DIXDC1: variants seen among roughly 807,000 people sequenced by gnomAD.
DIXDC1 encodes the protein DIX domain containing 1.
Under a neutral mutation model 103.1 loss-of-function variants are expected in DIXDC1, and 64 were observed. That is an observed-to-expected ratio of 0.62 (90% confidence interval 0.51 to 0.76). The LOEUF is 0.76. Ranked by LOEUF, DIXDC1 falls within the 30% of genes least tolerant of loss-of-function variation. DIXDC1 has a pLI of 0.00. For missense variants in DIXDC1, 759 were observed against 834.2 expected (o/e 0.91, Z 1.11); for synonymous variants, 266 against 298.5 (o/e 0.89, Z 1.12).
intron 1 of DIXDC1, among the ~76,000 whole-genome samples, chr11:111,946,444 G>A (rs922483927): frequency 9.9e-5 from 15 of 152,124 alleles, no homozygotes; most frequent in African/African-American, 2.7e-4. Flanking sequence ...GGCTGGTCTC[G>A]AACTCCTGAC....
intron 17 of DIXDC1, among the ~76,000 whole-genome samples, chr11:112,013,327 T>TGGGGGGGGGGG (rs1405183599): frequency 2.0e-5 from 1 of 49,924 alleles, no homozygotes; most frequent in African/African-American, 6.7e-5. Context: ...GGGGTGGGGG[T>TGGGGGGGGGGG]GGGGTGGGGG....
rs978011712 is a variant in DIXDC1 at position 111,996,260 on chromosome 11, C to T, written c.1756+114C>T. On this transcript the variant is annotated intron_variant, in intron 17 of 19. Transcript: ENST00000440460. ...TTTCTTGTAGTACTTCACTTTTATA[C>T]TATTTTGTTTCTGTAGCAATACTGC... The T allele has an allele frequency of 4.5e-6, 4 of 891,908 alleles. No homozygotes were observed. In the African/African-American group the frequency reaches 5.1e-5, roughly 11 times the overall value. 55.2% of individuals were successfully genotyped at this position (891,908 alleles called of 1,614,324 possible). A position where few individuals can be genotyped will look rare whatever the true frequency, so the allele number is the denominator to read the frequency against.
intron 15 of DIXDC1, 55 bp downstream of exon 15, chr11:111,995,163 G>T (rs782027509): frequency 1.9e-6 from 3 of 1,572,796 alleles, no homozygotes; most frequent in African/African-American, 1.4e-5. Context: ...AACCAGAAGA[G>T]TGCCAAAGCC....
At chr11:111,960,384 A>C (rs1859531441) in intron 1 of DIXDC1, among the ~76,000 whole-genome samples, 1 of 151,062 alleles carries the variant, frequency 6.6e-6, no homozygotes, top group Admixed American at 6.6e-5. Context: ...TCACAAAGTC[A>C]GGAGTTCGAG....
chr11:111,993,682 G>A lies in DIXDC1; in HGVS notation c.1379G>A (p.Arg460Gln), dbSNP rs782749650. 7 of 1,614,034 alleles carry A rather than the reference G, an allele frequency of 4.3e-6. No individual in the cohort carries two copies. The highest frequency in any genetic ancestry group is 4.5e-5 in the East Asian group (2 of 44,890). The change falls in exon 14 of 20, where the codon CGA (arginine) becomes CAA (glutamine). Residue 460 changes from arginine to glutamine, a missense_variant. By Grantham distance (43) the Arg-to-Gln change is conservative. This residue lies in a region of DIXDC1 where 657 missense variants were observed against 727.5 expected (regional missense o/e 0.90). Coordinates refer to ENST00000440460, the MANE Select transcript of DIXDC1 (RefSeq NM_001037954.4). ...TCTATTTTGCAGGTGGATCTAGAGC[G>A]AGAGCTAGAACACAAAGATGTCCTC... ...DVSYHQVDLE[R>Q]ELEHKDVLLA...
chr11:111,969,348 A>G (rs1859837523), intron 3 of DIXDC1, among the ~76,000 whole-genome samples: 1 of 152,152 alleles, frequency 6.6e-6, no homozygotes, highest in Non-Finnish European at 1.5e-5. Context: ...TGAAGAGTTT[A>G]TGTTTTTTAA....
In DIXDC1 at chr11:111,998,031, GT is replaced by G. The variant is rs1555175577; in HGVS notation, c.1756+1887del. ...CTCAGCCCACTACAGTCTTTTATCT[GT>G]TACTTTGCTTAGTGTTCTTCTTGTT... On this transcript the variant is annotated intron_variant, in intron 17 of 19. Transcript: ENST00000440460. This position sits in a 1 kb window ranked among gnomAD's most constrained non-coding sequence, Gnocchi z 4.1. Among the ~76,000 whole-genome samples the G allele has an allele frequency of 1.3e-5, 2 of 152,104 alleles. No individual in the cohort carries two copies. The highest frequency in any genetic ancestry group is 4.8e-5 in the African/African-American group (2 of 41,408).
At chr11:111,975,988 A>G (rs1860084138) in intron 5 of DIXDC1, 5 of 846,824 alleles carry the variant, frequency 5.9e-6, no homozygotes, top group African/African-American at 1.8e-5. Flanking sequence ...TAAACATTAT[A>G]AAGTGTACAA....
At position 111,958,840 on chromosome 11, in the gene DIXDC1, T is replaced by A. The variant is rs1859477289; in HGVS notation, c.61-5709T>A. 1.3e-5 allele frequency among the ~76,000 whole-genome samples: 2 copies of A among 152,078 alleles called. No homozygotes were observed. The highest frequency in any genetic ancestry group is 6.5e-5 in the Admixed American group (1 of 15,268). The stretch of plus-strand genomic sequence containing the variant: ...TCAAAACCCCAGACTCAACCAGACT[T>A]GGAAAATGATGGGACGACCTGCCTG... On this transcript the variant is annotated intron_variant, in intron 1 of 19. Transcript: ENST00000440460. The surrounding 1 kb of genome is among the most constrained non-coding windows in gnomAD (Gnocchi z 4.2).
chr11:111,996,722 C>T lies in DIXDC1; in HGVS notation c.1756+576C>T, dbSNP rs908417400. ...AAAATTAGCCAGGTGTGGTGGCACA[C>T]GCCTGTAATCCCAGCTACTCATGAG... is the stretch of plus-strand genomic sequence containing the variant. On this transcript the variant is annotated intron_variant, in intron 17 of 19. Transcript: ENST00000440460. Among the ~76,000 whole-genome samples the T allele has an allele frequency of 7.4e-4, 113 of 152,108 alleles. 2 individuals are homozygous for T. Among genetic ancestry groups the T allele is most frequent in the Non-Finnish European group, 1.9e-4 (13 of 68,028 alleles).
At chr11:111,967,423 A>G (rs945373336) in intron 2 of DIXDC1, among the ~76,000 whole-genome samples, 3 of 152,178 alleles carry the variant, frequency 2.0e-5, no homozygotes, top group African/African-American at 7.2e-5. Context: ...AATCCTTCAT[A>G]TGTGCCATCT....
chr11:111,941,860 AC>A (rs1966428713), intron 1 of DIXDC1, among the ~76,000 whole-genome samples: 1 of 151,732 alleles, frequency 6.6e-6, no homozygotes, highest in African/African-American at 2.4e-5. Flanking sequence ...ACACACACAC[AC>A]ACACACACAC....
intron 14 of DIXDC1, among the ~76,000 whole-genome samples, chr11:111,994,494 T>C (rs1463566624): frequency 1.3e-5 from 2 of 151,288 alleles, no homozygotes; most frequent in Non-Finnish European, 2.9e-5. Flanking sequence ...TACACACACA[T>C]ATATACATAC....
intron 17 of DIXDC1, among the ~76,000 whole-genome samples, chr11:112,012,593 A>C: frequency 6.6e-6 from 1 of 152,224 alleles, no homozygotes; most frequent in East Asian, 1.9e-4. Flanking sequence ...TATAACTATT[A>C]ATCACCTGTT....
chr11:111,996,692 A>G (rs964803058), intron 17 of DIXDC1, among the ~76,000 whole-genome samples: 1 of 152,024 alleles, frequency 6.6e-6, no homozygotes, highest in Non-Finnish European at 1.5e-5. Context: ...TCTATTAAAA[A>G]TACAAAAATT....
rs10635444 is a variant in DIXDC1, at chr11:111,941,837, TACACACAC to T, written c.60+4307_60+4314del. On this transcript the variant is annotated intron_variant, in intron 1 of 19. Coordinates refer to ENST00000440460, the MANE Select transcript of DIXDC1 (RefSeq NM_001037954.4). The stretch of plus-strand genomic sequence containing the variant: ...TGTCTCAAAACAAAACGAAACAAAA[TACACACAC>T]ACACACACACACACACACACACACA... 7.2e-5 allele frequency among the ~76,000 whole-genome samples: 10 copies of T among 139,284 alleles called. No individual in the cohort carries two copies. The East Asian group carries it at 8.4e-4, about 12-fold the overall frequency. The allele number at this position is 139,284 out of a possible 152,430, so 91.4% of individuals were successfully genotyped here.
rs1860022463 is a variant in DIXDC1, at chr11:111,974,133, C to G, written c.427C>G (p.Pro143Ala). The change falls in exon 4 of 20, where the codon CCT (proline) becomes GCT (alanine). Residue 143 changes from proline to alanine, a missense_variant. This residue lies in a region of DIXDC1 where 657 missense variants were observed against 727.5 expected (regional missense o/e 0.90). Transcript: ENST00000440460. ...TVNQGRDSRA[P>A]LQSHRPHCAT... Reference sequence around the variant, plus strand: ...GAACCAAGGACGGGACTCCAGAGCCCCTCTGCAAAGTCACCGACCACACTG... The same window carrying G: ...GAACCAAGGACGGGACTCCAGAGCCGCTCTGCAAAGTCACCGACCACACTG... 2.5e-6 allele frequency: 4 copies of G among 1,613,882 alleles called. No homozygotes were observed. In the Admixed American group the frequency reaches 5.0e-5, roughly 20 times the overall value.
chr11:111,974,387 T>C, intron 4 of DIXDC1, 133 bp downstream of exon 4: 1 of 797,984 alleles, frequency 1.3e-6, no homozygotes, highest in East Asian at 2.7e-5. Context: ...AGTGGGGAGG[T>C]AGGGGAGGGC....
intron 2 of DIXDC1, among the ~76,000 whole-genome samples, chr11:111,930,674 C>A (rs782587910): frequency 2.6e-5 from 4 of 152,014 alleles, no homozygotes; most frequent in African/African-American, 2.4e-5. Context: ...CCCTGCCCCC[C>A]ACATTGTAAA....
Sources: gnomAD v4.1 joint callset for allele counts (sites outside exome capture counted in the v4.1 genomes callset) on GRCh38, gnomAD v4.1.1 for gene constraint, gnomAD v4.1.1 regional missense constraint, Gnocchi (gnomAD v3.1) non-coding constraint, MANE v1.5 for transcripts, NCBI Gene and HGNC (gene_info 2026-07-23, HGNC 2026-07-21) for gene names.